Variants in RFTN2 observed in about 807,000 individuals in gnomAD.
The protein encoded by RFTN2 is raftlin family member 2, also known as raftlin-2.
A neutral mutation model predicts 52.7 loss-of-function variants in RFTN2; 34 were observed. That is an observed-to-expected ratio of 0.64 (90% CI 0.49 to 0.86). The LOEUF is 0.86. Among genes scored for constraint, RFTN2 ranks in the 40% least tolerant of loss-of-function variants. The pLI, the probability that RFTN2 is intolerant of heterozygous loss-of-function variation, is 0.00. For missense variants in RFTN2, 536 were observed against 600.1 expected (o/e 0.89, Z 1.12); for synonymous variants, 203 against 217.7 (o/e 0.93, Z 0.59).
At chr2:197,579,518 T>G (rs981711705) in intron 8 of RFTN2, among the ~76,000 whole-genome samples, 1 of 152,212 alleles carries the variant, frequency 6.6e-6, no homozygotes, top group East Asian at 1.9e-4. Context: ...AAAATGGCAC[T>G]TTCAATTTTT....
chr2:197,585,233 C>T (rs1425467200), intron 8 of RFTN2, among the ~76,000 whole-genome samples: 1 of 152,108 alleles, frequency 6.6e-6, no homozygotes, highest in Admixed American at 6.6e-5. Flanking sequence ...CTACTTTTTG[C>T]AACAGGGCTT....
intron 1 of RFTN2, among the ~76,000 whole-genome samples, chr2:197,654,038 T>G (rs568248499): frequency 6.6e-6 from 1 of 152,276 alleles, no homozygotes; most frequent in East Asian, 1.9e-4. Flanking sequence ...AAAAGAAAAC[T>G]TATTACATTC....
intron 1 of RFTN2, among the ~76,000 whole-genome samples, chr2:197,654,190 C>T (rs1268517816): frequency 1.3e-5 from 2 of 152,030 alleles, no homozygotes; most frequent in African/African-American, 2.4e-5. Context: ...GAGTTTGAGA[C>T]GAACCTGGGC....
intron 7 of RFTN2, among the ~76,000 whole-genome samples, chr2:197,600,719 C>T (rs566054143): frequency 4.6e-5 from 7 of 152,280 alleles, no homozygotes; most frequent in African/African-American, 1.7e-4. Context: ...ACAGAGCCCA[C>T]ATCTCTTATT....
chr2:197,674,620 T>C (rs573828983), intron 1 of RFTN2, among the ~76,000 whole-genome samples: 8 of 152,280 alleles, frequency 5.3e-5, no homozygotes, highest in African/African-American at 1.9e-4. Flanking sequence ...TACAGTACTC[T>C]AAAGTTTCCA....
Position 197,572,147 on chromosome 2 carries a change from C to A in RFTN2, c.1367G>T (p.Arg456Leu). 1 of 1,614,214 alleles carries A rather than the reference C, an allele frequency of 6.2e-7. No homozygotes were observed. Residue 456 changes from arginine (R) to leucine (L), a missense_variant, in exon 9 of 9, where the codon CGG becomes CTG. Coordinates refer to ENST00000295049, the MANE Select transcript of RFTN2 (RefSeq NM_144629.3). ...CCTTCCCTCCTTTGTCCAGCATTCC[C>A]GGGAGGGAGAAAGGCGGCACTCCTC... ...LPEECRLSPS[R>L]ECWTKEGRLA...
At chr2:197,608,302 G>C (rs977262732) in intron 7 of RFTN2, among the ~76,000 whole-genome samples, 1 of 149,136 alleles carries the variant, frequency 6.7e-6, no homozygotes, top group African/African-American at 2.5e-5. Context: ...CTTGTCCTTA[G>C]GGACCAGATT....
intron 8 of RFTN2, among the ~76,000 whole-genome samples, chr2:197,588,802 C>T (rs1224055962): frequency 6.6e-6 from 1 of 152,194 alleles, no homozygotes; most frequent in Non-Finnish European, 1.5e-5. Context: ...TCAACCAAAT[C>T]TCATCTTGTA....
chr2:197,593,839 T>C (rs1033946679), intron 8 of RFTN2, among the ~76,000 whole-genome samples: 3 of 148,038 alleles, frequency 2.0e-5, no homozygotes, highest in African/African-American at 5.0e-5. Context: ...TGAGCAGAGA[T>C]TGCGCCACTG....
At chr2:197,623,955 C>T (rs1042497761) in intron 5 of RFTN2, among the ~76,000 whole-genome samples, 3 of 151,474 alleles carry the variant, frequency 2.0e-5, no homozygotes, top group South Asian at 2.1e-4. Flanking sequence ...TGAGCCACCA[C>T]GGCTGGCAAA....
At chr2:197,650,670 C>T (rs1306187370) in intron 1 of RFTN2, among the ~76,000 whole-genome samples, 1 of 152,140 alleles carries the variant, frequency 6.6e-6, no homozygotes, top group Non-Finnish European at 1.5e-5. Flanking sequence ...AATATATATA[C>T]CACATTTTGT....
At chr2:197,635,581 G>T (rs1553603431) in intron 3 of RFTN2, among the ~76,000 whole-genome samples, 1 of 149,088 alleles carries the variant, frequency 6.7e-6, no homozygotes. Context: ...TTTTGATGGG[G>T]TTGTTTGTTT....
chr2:197,630,932 G>A, intron 5 of RFTN2, 79 bp downstream of exon 5: 1 of 919,014 alleles, frequency 1.1e-6, no homozygotes, highest in Non-Finnish European at 1.8e-6. Flanking sequence ...CATAGAACTT[G>A]AGAGGTAAAA....
Position 197,568,880 on chromosome 2 carries a change from A to T in RFTN2, c.*3128T>A, listed in dbSNP as rs2087273707. On this transcript the variant is annotated 3_prime_UTR_variant, in exon 9 of 9. Coordinates refer to ENST00000295049, the MANE Select transcript of RFTN2 (RefSeq NM_144629.3). ...ATGCATCTGTTACATTTATATTCAA[A>T]TATATAAACACCTGCTCCTGATAAC... The T allele has an allele frequency of 1.3e-5, 2 of 152,226 alleles. No homozygotes were observed. The highest frequency in any genetic ancestry group is 6.5e-5 in the Admixed American group (1 of 15,284). 9.4% of individuals were successfully genotyped at this position (152,226 alleles called of 1,614,324 possible).
chr2:197,612,556 C>T (rs1391833927), intron 7 of RFTN2, among the ~76,000 whole-genome samples: 1 of 152,186 alleles, frequency 6.6e-6, no homozygotes, highest in Non-Finnish European at 1.5e-5. Context: ...CAACTTTCAC[C>T]TTGAACTCTT....
chr2:197,590,136 T>G (rs561253908), intron 8 of RFTN2, among the ~76,000 whole-genome samples: 2 of 151,856 alleles, frequency 1.3e-5, no homozygotes, highest in African/African-American at 2.4e-5. Flanking sequence ...CACTCCTGGA[T>G]TCAAGTGATC....
chr2:197,618,954 T>TGG (rs1186312655), intron 5 of RFTN2, among the ~76,000 whole-genome samples: 1 of 141,336 alleles, frequency 7.1e-6, no homozygotes, highest in African/African-American at 2.7e-5. Flanking sequence ...GGGAGGGAGG[T>TGG]GGGGGGGTCA....
chr2:197,613,810 C>T (rs2088100651), intron 7 of RFTN2, among the ~76,000 whole-genome samples: 1 of 152,162 alleles, frequency 6.6e-6, no homozygotes, highest in African/African-American at 2.4e-5. Flanking sequence ...GCACAATGCT[C>T]CTTGGCATAC....
intron 3 of RFTN2, among the ~76,000 whole-genome samples, chr2:197,634,608 C>T (rs1261810690): frequency 6.6e-6 from 1 of 151,760 alleles, no homozygotes; most frequent in Non-Finnish European, 1.5e-5. Context: ...AGATTAAATC[C>T]TATCAGTTAA....
Sources: allele counts gnomAD v4.1 joint callset (sites outside exome capture counted in the v4.1 genomes callset), GRCh38; gene constraint gnomAD v4.1.1; transcripts MANE v1.5; gene names NCBI Gene and HGNC (gene_info 2026-07-23, HGNC 2026-07-21).